The following SLC12A5 variants were observed in gnomAD, a reference collection of about 807,000 sequenced individuals.
SLC12A5 encodes K-Cl cotransporter 2.
In SLC12A5, 18 loss-of-function variants were observed where a neutral mutation model predicts 124.0. The observed-to-expected ratio is 0.15, with a 90% CI of 0.10 to 0.22. The LOEUF is 0.22. Ranked by LOEUF, SLC12A5 falls within the 10% of genes least tolerant of loss-of-function variation. The pLI, the probability that SLC12A5 is intolerant of heterozygous loss-of-function variation, is 1.00. For synonymous variants in SLC12A5, 589 were observed against 568.0 expected (o/e 1.04, Z -0.53); for missense variants, 867 against 1,478.7 (o/e 0.59, Z 6.78).
At chr20:46,025,609 G>C (rs1418267081), upstream of SLC12A5, among the ~76,000 whole-genome samples, 1 of 152,174 alleles carries the variant, frequency 6.6e-6, no homozygotes, top group Admixed American at 6.5e-5. Flanking sequence ...GATGGACTGA[G>C]TCTGCAGAGG....
chr20:46,027,501 C>A (rs11908352), upstream of SLC12A5, among the ~76,000 whole-genome samples: 29,592 of 152,036 alleles, frequency 0.19, 2,944 homozygotes, highest in South Asian at 0.34. Flanking sequence ...ATATGAATGG[C>A]TCTTTAGGAT....
At chr20:46,027,302 CA>C (rs1243740663), upstream of SLC12A5, among the ~76,000 whole-genome samples, 1 of 152,054 alleles carries the variant, frequency 6.6e-6, no homozygotes, top group Non-Finnish European at 1.5e-5. Flanking sequence ...TTTGGGTATC[CA>C]AAAAACCAAG....
upstream of SLC12A5, among the ~76,000 whole-genome samples, chr20:46,027,184 C>G (rs1376744020): frequency 2.0e-5 from 3 of 152,138 alleles, no homozygotes; most frequent in Non-Finnish European, 2.9e-5. Context: ...ACCTCTGTCA[C>G]CAATTCAAAC....
rs1568867425 is a variant in SLC12A5 at position 46,052,851 on chromosome 20, A to C, written c.2378-106A>C. The C allele has an allele frequency of 2.4e-6, 3 of 1,255,992 alleles. No homozygotes were observed. The South Asian group carries it at 4.7e-5, about 20-fold the overall frequency. 77.8% of individuals were successfully genotyped at this position (1,255,992 alleles called of 1,614,324 possible). A position where few individuals can be genotyped will look rare whatever the true frequency, so the allele number is the denominator to read the frequency against. ...TCAGCCCATGGCCAAGGCCAGTTGG[A>C]GTGGGGTGGAGTGCTGGCTGCCAGG... On this transcript the variant is annotated intron_variant, in intron 18 of 25. Coordinates refer to ENST00000243964, the MANE Select transcript of SLC12A5 (RefSeq NM_020708.5).
At chr20:46,033,495 A>G (rs2145480056) in intron 1 of SLC12A5, among the ~76,000 whole-genome samples, 1 of 152,292 alleles carries the variant, frequency 6.6e-6, no homozygotes, top group Middle Eastern at 3.4e-3. Context: ...ATCTAGGCAC[A>G]TGGCTTCACA....
Position 46,035,818 on chromosome 20 carries a change from C to T in SLC12A5, c.321C>T (p.Cys107=). The change falls in exon 4 of 26, where the codon TGC becomes TGT. Residue 107 remains cysteine (C), a synonymous_variant. Coordinates refer to ENST00000243964, the MANE Select transcript of SLC12A5 (RefSeq NM_020708.5). ...MGTFMGVYLP[C]LQNIFGVILF... is the part of the protein sequence containing the mutation. ...CCTTCATGGGCGTGTACCTGCCGTGCCTGCAGAACATCTTTGGCGTCATCC... is the reference window on the plus strand; with the variant it reads ...CCTTCATGGGCGTGTACCTGCCGTGTCTGCAGAACATCTTTGGCGTCATCC... The T allele has an allele frequency of 2.5e-6, 4 of 1,614,126 alleles. No homozygotes were observed. Among genetic ancestry groups the T allele is most frequent in the Non-Finnish European group, 3.4e-6 (4 of 1,179,962 alleles).
chr20:46,035,002 A>G lies in SLC12A5; in HGVS notation c.107A>G (p.Lys36Arg). The part of the protein sequence containing the change: ...SPFINSTDTE[K>R]GKEYDGKNMA... The stretch of plus-strand genomic sequence containing the variant: ...TTCATCAACAGCACCGACACAGAGA[A>G]GGGAAAGGAGTATGATGGCAAGAAC... The change falls in exon 2 of 26, where the codon AAG (lysine) becomes AGG (arginine). Residue 36 changes from lysine (K) to arginine (R), a missense_variant. Lys to Arg is a conservative substitution (Grantham distance 26). Coordinates refer to ENST00000243964, the MANE Select transcript of SLC12A5 (RefSeq NM_020708.5). The G allele has an allele frequency of 6.2e-7, 1 of 1,614,016 alleles. No individual in the cohort carries two copies. The highest frequency in any genetic ancestry group is 8.5e-7 in the Non-Finnish European group (1 of 1,179,966).
In SLC12A5 at chr20:46,041,409, C is replaced by A; in HGVS notation, c.935C>A (p.Thr312Lys). The A allele has an allele frequency of 6.2e-7, 1 of 1,614,154 alleles. No homozygotes were observed. Among genetic ancestry groups the A allele is most frequent in the African/African-American group, 1.3e-5 (1 of 75,020 alleles). Residue 312 changes from threonine to lysine, a missense_variant, in exon 8 of 26, where the codon ACG becomes AAG. Thr to Lys is a moderately conservative substitution (Grantham distance 78). This residue lies in a region of SLC12A5 where 127 missense variants were observed against 164.1 expected (regional missense o/e 0.77). Coordinates refer to ENST00000243964, the MANE Select transcript of SLC12A5 (RefSeq NM_020708.5). ...AAGCTGGCTTGGGAAGGAAATGAGA[C>A]GGTGACCACACGGCTATGGGGCCTT... is the stretch of plus-strand genomic sequence containing the variant. ...CAKLAWEGNE[T>K]VTTRLWGLFC...
At chr20:46,021,965 G>GTCT in intron 1 of SLC12A5, 1 of 1,396,088 alleles carries the variant, frequency 7.2e-7, no homozygotes. Context: ...TCTGTTGAAG[G>GTCT]GGGCAGGGCC....
In SLC12A5 at chr20:46,049,498, G is replaced by T; in HGVS notation, c.2013-124G>T. ...GTAGATGAATGGATGGGTGGTGAGG[G>T]GTATAGGTGGATGGGACAGATGGTT... On this transcript the variant is annotated intron_variant, in intron 16 of 25. Transcript: ENST00000243964. 3 of 1,211,584 alleles carry T rather than the reference G, an allele frequency of 2.5e-6. No homozygotes were observed. In the South Asian group the frequency reaches 4.4e-5, roughly 18 times the overall value. The allele number at this position is 1,211,584 out of a possible 1,614,324, so 75.1% of individuals were successfully genotyped here. A position where few individuals can be genotyped will look rare whatever the true frequency, so the allele number is the denominator to read the frequency against.
chr20:46,029,983 G>A (rs1305598755), intron 1 of SLC12A5, among the ~76,000 whole-genome samples: 1 of 151,382 alleles, frequency 6.6e-6, no homozygotes, highest in Non-Finnish European at 1.5e-5. Flanking sequence ...TCCGGGCTGT[G>A]GTGTCTCCTT....
Position 46,045,850 on chromosome 20 carries a change from A to C in SLC12A5, c.1570-28A>C, listed in dbSNP as rs2084590328. On this transcript the variant is annotated intron_variant, in intron 12 of 25. Coordinates refer to ENST00000243964, the MANE Select transcript of SLC12A5 (RefSeq NM_020708.5). The surrounding 1 kb of genome is among the most constrained non-coding windows in gnomAD (Gnocchi z 4.9). The stretch of plus-strand genomic sequence containing the variant: ...AGGGCTGAGAAATCCTTGAGGTCTC[A>C]GTCCCATGATGATTGCTCTTTCCCC... 2 of 1,589,756 alleles carry C rather than the reference A, an allele frequency of 1.3e-6. No homozygotes were observed. The highest frequency in any genetic ancestry group is 2.2e-5 in the South Asian group (2 of 90,380).
rs540261792 is a variant in SLC12A5 at position 46,036,547 on chromosome 20, G to A, written c.427-194G>A. ...GCTGTGGCTTGCTTGGGCTCCTTCC[G>A]TTCGCATGGTGAATAAGGTTTTCTT... On this transcript the variant is annotated intron_variant, in intron 4 of 25. Coordinates refer to ENST00000243964, the MANE Select transcript of SLC12A5 (RefSeq NM_020708.5). 24 of 506,532 alleles carry A rather than the reference G, an allele frequency of 4.7e-5. No homozygotes were observed. In the Middle Eastern group the frequency reaches 1.7e-3, roughly 36 times the overall value. 31.4% of individuals were successfully genotyped at this position (506,532 alleles called of 1,614,324 possible).
chr20:46,041,687 C>A, intron 8 of SLC12A5, 147 bp downstream of exon 8: 1 of 813,244 alleles, frequency 1.2e-6, no homozygotes, highest in Non-Finnish European at 1.9e-6. Context: ...CTGTCCTTGG[C>A]ATCAGGGAGG....
rs1300668156 is a variant in SLC12A5 at position 46,053,702 on chromosome 20, T to A, written c.2672T>A (p.Val891Glu). Residue 891 changes from valine (V) to glutamate (E), a missense_variant, in exon 20 of 26, where the codon GTG (valine) becomes GAG (glutamate). By Grantham distance (121) the Val-to-Glu change is moderately radical. Around this residue, in one of 9 missense-constraint regions of SLC12A5, gnomAD observed 70 missense variants for 157.2 expected, o/e 0.45. Coordinates refer to ENST00000243964, the MANE Select transcript of SLC12A5 (RefSeq NM_020708.5). The surrounding 1 kb of genome is among the most constrained non-coding windows in gnomAD (Gnocchi z 4.7). ...HLRITAEVEV[V>E]EMHESDISAY... Reference sequence around the variant, plus strand: ...CGCATCACTGCGGAGGTCGAGGTGGTGGAGATGGTGAGTCCCCAGGAGACA... The same window carrying A: ...CGCATCACTGCGGAGGTCGAGGTGGAGGAGATGGTGAGTCCCCAGGAGACA... 1 of 1,590,596 alleles carries A rather than the reference T, an allele frequency of 6.3e-7. No homozygotes were observed. Among genetic ancestry groups the A allele is most frequent in the Non-Finnish European group, 8.6e-7 (1 of 1,165,028 alleles).
intron 4 of SLC12A5, 91 bp from the exon 5 acceptor site, chr20:46,036,650 G>T: frequency 1.5e-6 from 2 of 1,376,146 alleles, no homozygotes; most frequent in Non-Finnish European, 2.1e-6. Flanking sequence ...TGTGGGTTTG[G>T]CTGGTGTTTA....
chr20:46,041,651 A>G, intron 8 of SLC12A5, 111 bp downstream of exon 8: 1 of 1,088,026 alleles, frequency 9.2e-7, no homozygotes, highest in Non-Finnish European at 1.3e-6. Flanking sequence ...ATCAGCTTTA[A>G]TTGAGCACCT....
intron 16 of SLC12A5, among the ~76,000 whole-genome samples, chr20:46,048,626 T>C (rs1018525201): frequency 6.6e-6 from 1 of 151,724 alleles, no homozygotes; most frequent in Non-Finnish European, 1.5e-5. Flanking sequence ...AACCCAACAG[T>C]TTGGGAGGCT....
rs1006650216 is a variant in SLC12A5, at chr20:46,035,979, T to C, written c.426+56T>C. ...TGACAGCTGGGGCTTGGCAGAGGCCTGGGGGTGGGAGGTGGGAGGATGGAA... is the reference window on the plus strand; with the variant it reads ...TGACAGCTGGGGCTTGGCAGAGGCCCGGGGGTGGGAGGTGGGAGGATGGAA... On this transcript the variant is annotated intron_variant, in intron 4 of 25. Transcript: ENST00000243964. 10 of 1,555,210 alleles carry C rather than the reference T, an allele frequency of 6.4e-6. No homozygotes were observed. In the African/African-American group the frequency reaches 1.2e-4, roughly 19 times the overall value.
Sources: allele counts gnomAD v4.1 joint callset (sites outside exome capture counted in the v4.1 genomes callset), GRCh38; gene constraint gnomAD v4.1.1; regional missense constraint gnomAD v4.1.1; non-coding constraint Gnocchi (gnomAD v3.1); transcripts MANE v1.5; gene names NCBI Gene and HGNC (gene_info 2026-07-23, HGNC 2026-07-21).